The following ABCC9 variants were observed in gnomAD, a reference collection of about 807,000 sequenced individuals.
ABCC9 encodes ATP-binding cassette sub-family C member 9.
Under a neutral mutation model 188.3 loss-of-function variants are expected in ABCC9, and 95 were observed. That is an observed-to-expected ratio of 0.50 (90% CI 0.43 to 0.60). ABCC9 has a LOEUF of 0.60. Ranked by LOEUF, ABCC9 falls within the 20% of genes least tolerant of loss-of-function variation. The pLI is 0.00. For synonymous variants in ABCC9, 659 were observed against 652.7 expected (o/e 1.01, Z -0.15); for missense variants, 1,102 against 1,876.3 (o/e 0.59, Z 7.62).
intron 12 of ABCC9, among the ~76,000 whole-genome samples, chr12:21,900,132 A>C (rs1214002364): frequency 1.3e-5 from 2 of 152,362 alleles, no homozygotes; most frequent in East Asian, 3.9e-4. Flanking sequence ...CCGATCAGGC[A>C]GCAACATTTG....
rs1219292036 is a variant in ABCC9, at chr12:21,916,938, C to T, written c.572G>A (p.Arg191Lys). 1 of 1,610,522 alleles carries T rather than the reference C, an allele frequency of 6.2e-7. No homozygotes were observed. The highest frequency in any genetic ancestry group is 1.1e-5 in the South Asian group (1 of 90,312). The change falls in exon 6 of 40, where the codon AGG (arginine) becomes AAG (lysine). Residue 191 changes from arginine to lysine, a missense_variant and splice_region_variant. This residue lies in a region of ABCC9 where 305 missense variants were observed against 573.0 expected (regional missense o/e 0.53). Transcript: ENST00000261200. ...MAVEINVIRV[R>K]RYVFFMNPQK... The stretch of plus-strand genomic sequence containing the variant: ...AAACAAAAGCCATTAGCTACCTACC[C>T]TGACTCGAATGACATTGATCTCCAC...
rs565638852 is a variant in ABCC9, at chr12:21,903,327, C to T, written c.1618+2799G>A. On this transcript the variant is annotated intron_variant, in intron 12 of 39. Coordinates refer to ENST00000261200, the MANE Select transcript of ABCC9 (RefSeq NM_020297.4). Reference sequence around the variant, plus strand: ...GACAAACCCACAGCCAATATCATACCGAATAGGCAAAAACTGGAAGCATTC... The same window carrying T: ...GACAAACCCACAGCCAATATCATACTGAATAGGCAAAAACTGGAAGCATTC... Among the ~76,000 whole-genome samples, 317 of 152,100 alleles carry T rather than the reference C, an allele frequency of 2.1e-3. 3 individuals carry two copies. The highest frequency in any genetic ancestry group is 0.01 in the Middle Eastern group (3 of 294).
intron 15 of ABCC9, among the ~76,000 whole-genome samples, chr12:21,887,491 G>GTA (rs1184651267): frequency 6.6e-6 from 1 of 152,150 alleles, no homozygotes; most frequent in East Asian, 1.9e-4. Context: ...ATAAAGTGTA[G>GTA]TATAGCTAAA....
intron 3 of ABCC9, among the ~76,000 whole-genome samples, chr12:21,935,703 A>G (rs1019265759): frequency 4.6e-5 from 7 of 152,122 alleles, no homozygotes; most frequent in Admixed American, 2.6e-4. Context: ...AGACCAGGAA[A>G]TGGTGTGCAG....
chr12:21,799,850 T>C lies in ABCC9; in HGVS notation c.*1194A>G, dbSNP rs1415749658. On this transcript the variant is annotated 3_prime_UTR_variant, in exon 40 of 40. Transcript: ENST00000261200. ...ACGTGACAAAGAAGGTGACTTTTAG[T>C]ATTTTTGAATTTATTAATTTTCATT... 1 of 152,198 alleles carries C rather than the reference T, an allele frequency of 6.6e-6. No homozygotes were observed. Among genetic ancestry groups the C allele is most frequent in the Admixed American group, 6.5e-5 (1 of 15,272 alleles). 9.4% of individuals were successfully genotyped at this position (152,198 alleles called of 1,614,324 possible).
intron 4 of ABCC9, among the ~76,000 whole-genome samples, chr12:21,928,405 G>A (rs1021022468): frequency 5.6e-5 from 8 of 142,602 alleles, no homozygotes; most frequent in Non-Finnish European, 3.1e-5. Flanking sequence ...GGGAGGGAGG[G>A]AGGAAGGAAG....
intron 18 of ABCC9, chr12:21,869,441 A>G (rs575400478): frequency 2.6e-5 from 4 of 152,312 alleles, no homozygotes; most frequent in African/African-American, 9.6e-5. Flanking sequence ...ACAAGTCCGA[A>G]TCATTTTTTC....
At chr12:21,810,014 A>AT in intron 36 of ABCC9, 59 bp from the exon 37 acceptor site, 2 of 1,038,336 alleles carry the variant, frequency 1.9e-6, no homozygotes, top group Non-Finnish European at 3.0e-6. Flanking sequence ...TTTTATGTAT[A>AT]TTTGCTTATT....
intron 29 of ABCC9, among the ~76,000 whole-genome samples, chr12:21,841,521 G>T (rs1944395608): frequency 6.6e-6 from 1 of 151,636 alleles, no homozygotes; most frequent in Admixed American, 6.6e-5. Context: ...ACCACGCCTG[G>T]CTAATTTTTG....
chr12:21,932,789 A>G (rs1351011716), intron 4 of ABCC9, among the ~76,000 whole-genome samples: 3 of 152,092 alleles, frequency 2.0e-5, no homozygotes, highest in Non-Finnish European at 4.4e-5. Flanking sequence ...CATTTGTTGG[A>G]GTGTAAATTA....
Position 21,818,205 on chromosome 12 carries a change from A to G in ABCC9, c.3716T>C (p.Ile1239Thr), listed in dbSNP as rs1403945569. 5.0e-6 allele frequency: 8 copies of G among 1,614,000 alleles called. No homozygotes were observed. Among genetic ancestry groups the G allele is most frequent in the South Asian group, 1.1e-5 (1 of 91,082 alleles). The part of the protein sequence containing the change: ...CIVLTASIAS[I>T]SGSSNSGLVG... ...CAATCCAGAATTCGAAGACCCACTA[A>G]TGGATGCTATAGATGCAGTGAGGAC... Residue 1239 changes from isoleucine to threonine, a missense_variant, in exon 32 of 40, where the codon ATT becomes ACT. Transcript: ENST00000261200.
chr12:21,903,638 A>G (rs1405390742), intron 12 of ABCC9, among the ~76,000 whole-genome samples: 1 of 152,230 alleles, frequency 6.6e-6, no homozygotes. Context: ...CACCAATAGT[A>G]GACAAACAGA....
chr12:21,911,016 G>A (rs371213606), intron 8 of ABCC9, 38 bp from the exon 9 acceptor site: 140 of 1,604,644 alleles, frequency 8.7e-5, no homozygotes, highest in Middle Eastern at 3.3e-4. Context: ...ATTAAAACTC[G>A]TCTTTTTATA....
intron 12 of ABCC9, among the ~76,000 whole-genome samples, chr12:21,900,196 C>G (rs1032103393): frequency 2.0e-5 from 3 of 152,192 alleles, no homozygotes; most frequent in Non-Finnish European, 4.4e-5. Context: ...CCCAGGCAAA[C>G]AGGGTCTGGA....
chr12:21,913,127 A>G (rs1215402014), intron 7 of ABCC9, 61 bp from the exon 8 acceptor site: 2 of 1,399,188 alleles, frequency 1.4e-6, no homozygotes, highest in African/African-American at 2.9e-5. Context: ...TTAGAGCAGT[A>G]ACTAATCTCA....
chr12:21,863,204 A>G, intron 19 of ABCC9, 150 bp from the exon 20 acceptor site: 1 of 611,212 alleles, frequency 1.6e-6, no homozygotes, highest in Non-Finnish European at 2.9e-6. Context: ...TTTAAAGACC[A>G]CCAACCTTAT....
At chr12:21,868,639 A>G (rs1157486802) in intron 18 of ABCC9, among the ~76,000 whole-genome samples, 3 of 152,172 alleles carry the variant, frequency 2.0e-5, no homozygotes, top group African/African-American at 7.2e-5. Flanking sequence ...ACTCTGTCTC[A>G]ATAAATAAAT....
chr12:21,906,008 A>G (rs1948025474), intron 12 of ABCC9, 118 bp downstream of exon 12: 1 of 1,186,692 alleles, frequency 8.4e-7, no homozygotes, highest in African/African-American at 1.5e-5. Context: ...TGTTTAGAAA[A>G]TAAATAGGTG....
chr12:21,810,316 T>C lies in ABCC9; in HGVS notation c.4212-361A>G, dbSNP rs185778633. Among the ~76,000 whole-genome samples the C allele has an allele frequency of 8.5e-5, 13 of 152,298 alleles. No homozygotes were observed. In the East Asian group the frequency reaches 2.3e-3, roughly 27 times the overall value. On this transcript the variant is annotated intron_variant, in intron 36 of 39. Transcript: ENST00000261200. ...CTGATGCTACATACATACATCTCTATGGGAGCATATTACACTATTTTAGAT... is the reference window on the plus strand; with the variant it reads ...CTGATGCTACATACATACATCTCTACGGGAGCATATTACACTATTTTAGAT...
Sources: gnomAD v4.1 joint callset for allele counts (sites outside exome capture counted in the v4.1 genomes callset) on GRCh38, gnomAD v4.1.1 for gene constraint, gnomAD v4.1.1 regional missense constraint, MANE v1.5 for transcripts, NCBI Gene and HGNC (gene_info 2026-07-23, HGNC 2026-07-21) for gene names.